Variants in DAB1 observed in about 807,000 individuals in gnomAD.
DAB1 encodes DAB adaptor protein 1, also known as disabled homolog 1.
Under a neutral mutation model 64.6 loss-of-function variants are expected in DAB1, and 15 were observed. The ratio of observed to expected loss-of-function variants is 0.23; its 90% confidence interval spans 0.16 to 0.36. The LOEUF (loss-of-function observed/expected upper bound fraction) is 0.36. Among genes scored for constraint, DAB1 ranks in the 10% least tolerant of loss-of-function variants. DAB1 has a pLI of 1.00. For synonymous variants in DAB1, 235 were observed against 251.9 expected, an observed-to-expected ratio of 0.93 and a Z score of 0.64; for missense variants, 596 against 706.7, an observed-to-expected ratio of 0.84 and a Z score of 1.78.
At chr1:58,015,633 A>G (rs1646728121) in intron 5 of DAB1, among the ~76,000 whole-genome samples, 1 of 151,950 alleles carries the variant, frequency 6.6e-6, no homozygotes, top group Admixed American at 6.6e-5. Context: ...GCCTCTCAAA[A>G]TGATTTAACC....
intron 7 of DAB1, among the ~76,000 whole-genome samples, chr1:57,590,807 T>C (rs1181612416): frequency 6.7e-6 from 1 of 150,274 alleles, no homozygotes; most frequent in Non-Finnish European, 1.5e-5. Flanking sequence ...TCTTACCCTA[T>C]GACCAACAAT....
chr1:57,618,980 C>T (rs190221050), intron 7 of DAB1, among the ~76,000 whole-genome samples: 268 of 152,312 alleles, frequency 1.8e-3, no homozygotes, highest in Non-Finnish European at 1.4e-3. Context: ...GATAATATCT[C>T]ACCTTACAGA....
intron 6 of DAB1, among the ~76,000 whole-genome samples, chr1:57,703,892 C>T (rs542069591): frequency 8.1e-4 from 123 of 152,158 alleles, no homozygotes; most frequent in Non-Finnish European, 2.4e-4. Flanking sequence ...TGCAGGGAGA[C>T]GGATGGAACT....
chr1:57,789,583 G>A (rs1016229230), intron 6 of DAB1, among the ~76,000 whole-genome samples: 1 of 152,174 alleles, frequency 6.6e-6, no homozygotes, highest in African/African-American at 2.4e-5. Context: ...AGGCAAGCAG[G>A]CTGTCTGGTG....
intron 1 of DAB1, among the ~76,000 whole-genome samples, chr1:57,309,162 T>A (rs1339158570): frequency 6.6e-6 from 1 of 152,224 alleles, no homozygotes; most frequent in Non-Finnish European, 1.5e-5. Flanking sequence ...TGGATACCCC[T>A]GGCCTAGAGT....
intron 5 of DAB1, among the ~76,000 whole-genome samples, chr1:57,977,874 T>G (rs148089299): frequency 1.3e-5 from 2 of 152,216 alleles, no homozygotes; most frequent in East Asian, 3.9e-4. Context: ...GAAGGACCTC[T>G]TCAAAGAGAA....
At chr1:57,799,022 C>G (rs1651001985) in intron 6 of DAB1, among the ~76,000 whole-genome samples, 1 of 152,212 alleles carries the variant, frequency 6.6e-6, no homozygotes, top group Non-Finnish European at 1.5e-5. Flanking sequence ...GGATGAGCTG[C>G]CTCATTCTTG....
intron 4 of DAB1, among the ~76,000 whole-genome samples, chr1:58,210,081 C>T (rs533956469): frequency 6.6e-6 from 1 of 152,258 alleles, no homozygotes; most frequent in African/African-American, 2.4e-5. Context: ...AAACCTTCTA[C>T]ATACATTTTC....
intron 1 of DAB1, among the ~76,000 whole-genome samples, chr1:57,312,955 G>A (rs1019615767): frequency 5.3e-5 from 8 of 152,092 alleles, no homozygotes; most frequent in Non-Finnish European, 7.4e-5. Flanking sequence ...ACAAGGTCAC[G>A]GCAGCGCTTG....
At chr1:57,891,558 C>T (rs534438127) in intron 5 of DAB1, among the ~76,000 whole-genome samples, 38 of 152,274 alleles carry the variant, frequency 2.5e-4, no homozygotes, top group African/African-American at 8.7e-4. Context: ...CACATGCACA[C>T]GTATGTTTAT....
chr1:57,829,800 T>A (rs927327570), intron 1 of DAB1, among the ~76,000 whole-genome samples: 17 of 152,206 alleles, frequency 1.1e-4, no homozygotes, highest in Admixed American at 9.2e-4. Flanking sequence ...CAGCCCCAAA[T>A]TGCTTTTTCT....
intron 5 of DAB1, among the ~76,000 whole-genome samples, chr1:58,093,375 T>C (rs1650792516): frequency 6.6e-6 from 1 of 152,066 alleles, no homozygotes; most frequent in Non-Finnish European, 1.5e-5. Context: ...TGTGCTCTGG[T>C]AGGAACTGGG....
At chr1:57,719,947 C>T (rs1647131232) in intron 6 of DAB1, among the ~76,000 whole-genome samples, 2 of 152,310 alleles carry the variant, frequency 1.3e-5, no homozygotes, top group Admixed American at 1.3e-4. Context: ...ACTTATCATT[C>T]TATGTGACCC....
At chr1:58,491,872 C>A (rs1404511585) in intron 3 of DAB1, among the ~76,000 whole-genome samples, 3 of 152,168 alleles carry the variant, frequency 2.0e-5, no homozygotes, top group Non-Finnish European at 4.4e-5. Flanking sequence ...AAAAAGTTAA[C>A]AAGGATATCC....
intron 2 of DAB1, among the ~76,000 whole-genome samples, chr1:57,194,978 G>A (rs61767517): frequency 0.016 from 2,431 of 152,240 alleles, 50 homozygotes; most frequent in East Asian, 0.092. Flanking sequence ...TAGTAACAGC[G>A]GAAAGTGTAA....
chr1:58,532,330 T>G (rs1284747323), intron 1 of DAB1, among the ~76,000 whole-genome samples: 1 of 152,144 alleles, frequency 6.6e-6, no homozygotes, highest in Admixed American at 6.5e-5. Context: ...CTGATAGAGA[T>G]GACAATACAC....
intron 7 of DAB1, among the ~76,000 whole-genome samples, chr1:57,603,626 A>G (rs968322697): frequency 6.6e-6 from 1 of 152,338 alleles, no homozygotes; most frequent in African/African-American, 2.4e-5. Context: ...GGGCAAATTT[A>G]TAGTTGTGCC....
chr1:57,680,998 T>C (rs947104433), intron 6 of DAB1, among the ~76,000 whole-genome samples: 2 of 152,220 alleles, frequency 1.3e-5, no homozygotes, highest in African/African-American at 4.8e-5. Flanking sequence ...ATTAGTTTCC[T>C]AGGGCTAAGA....
chr1:58,001,468 C>A (rs1646506233), intron 5 of DAB1, among the ~76,000 whole-genome samples: 1 of 152,128 alleles, frequency 6.6e-6, no homozygotes, highest in Admixed American at 6.5e-5. Context: ...CCATGTTGGC[C>A]AGGCTGGTCT....
Sources: gnomAD v4.1 joint callset for allele counts (sites outside exome capture counted in the v4.1 genomes callset) on GRCh38, gnomAD v4.1.1 for gene constraint, MANE v1.5 for transcripts, NCBI Gene and HGNC (gene_info 2026-07-23, HGNC 2026-07-21) for gene names.